The following DPP9 variants were observed in gnomAD, a reference collection of about 807,000 sequenced individuals.
DPP9 encodes dipeptidyl peptidase IV-related protein-2.
In DPP9, 50 loss-of-function variants were observed where a neutral mutation model predicts 110.7. The observed-to-expected ratio is 0.45, with a 90% CI of 0.36 to 0.57. The LOEUF is 0.57. DPP9 is among the 20% of genes least tolerant of loss of function. The pLI is 0.00. For synonymous variants in DPP9, 561 were observed against 514.4 expected, an observed-to-expected ratio of 1.09 and a Z score of -1.23; for missense variants, 1,022 against 1,217.9, an observed-to-expected ratio of 0.84 and a Z score of 2.39.
chr19:4,702,203 C>T (rs769072714), intron 8 of DPP9, 48 bp from the exon 9 acceptor site: 2 of 1,573,428 alleles, frequency 1.3e-6, no homozygotes, highest in Admixed American at 1.8e-5. Flanking sequence ...GAGGCAGAGT[C>T]CCTGCCATCA....
At chr19:4,681,667 C>T (rs1008220003) in intron 20 of DPP9, among the ~76,000 whole-genome samples, 1 of 151,966 alleles carries the variant, frequency 6.6e-6, no homozygotes, top group Non-Finnish European at 1.5e-5. Context: ...TGGGTTCAAG[C>T]GATTCTCCTG....
rs761779404 is a variant in DPP9 at position 4,694,580 on chromosome 19, G to A, written c.1516+81C>T. 4.6e-6 allele frequency: 7 copies of A among 1,510,022 alleles called. No homozygotes were observed. Among genetic ancestry groups the A allele is most frequent in the Non-Finnish European group, 6.3e-6 (7 of 1,118,618 alleles). The allele number at this position is 1,510,022 out of a possible 1,614,324, so 93.5% of individuals were successfully genotyped here. A position where few individuals can be genotyped will look rare whatever the true frequency, so the allele number is the denominator to read the frequency against. On this transcript the variant is annotated intron_variant, in intron 13 of 21. Coordinates refer to ENST00000262960, the MANE Select transcript of DPP9 (RefSeq NM_139159.5). This position sits in a 1 kb window ranked among gnomAD's most constrained non-coding sequence, Gnocchi z 4.0. ...GCAGGGTGTGCTGGCTGAGTGGGGG[G>A]GCCGACCAATGAACAAACAGCATAT...
intron 2 of DPP9, 178 bp downstream of exon 2, chr19:4,722,321 G>T: frequency 1.7e-6 from 1 of 586,314 alleles, no homozygotes; most frequent in East Asian, 2.9e-5. Context: ...GGGGACAGGG[G>T]TGGAAAGAAA....
At position 4,685,596 on chromosome 19, in the gene DPP9, TG is replaced by T. The variant is rs752942569; in HGVS notation, c.2031+29del. ...GGGAGTCCTCGGGTGGATGGTGGGG[TG>T]GGGGCCTGGGGAGCAGGTGTGCACT... On this transcript the variant is annotated intron_variant, in intron 17 of 21. Coordinates refer to ENST00000262960, the MANE Select transcript of DPP9 (RefSeq NM_139159.5). This position sits in a 1 kb window ranked among gnomAD's most constrained non-coding sequence, Gnocchi z 5.8. The T allele has an allele frequency of 6.5e-7, 1 of 1,531,290 alleles. No homozygotes were observed. The highest frequency in any genetic ancestry group is 1.2e-5 in the South Asian group (1 of 86,108). The allele number at this position is 1,531,290 out of a possible 1,614,324, so 94.9% of individuals were successfully genotyped here.
chr19:4,701,847 C>T (rs937977620), intron 9 of DPP9, among the ~76,000 whole-genome samples, 180 bp downstream of exon 9: 5 of 152,174 alleles, frequency 3.3e-5, no homozygotes, highest in Admixed American at 3.3e-4. Context: ...ATCCGGTGGC[C>T]ATGGTAAGCC....
intron 4 of DPP9, among the ~76,000 whole-genome samples, chr19:4,707,992 T>C (rs1280372710): frequency 1.3e-5 from 2 of 152,140 alleles, no homozygotes; most frequent in Non-Finnish European, 2.9e-5. Flanking sequence ...AGTGCTTAAT[T>C]AGTAATATCT....
rs2092484483 is a variant in DPP9, at chr19:4,704,688, C to T, written c.427-384G>A. ...GGGTCCCTAGTGCCATTCTTACAGACTCCCCACCCTCCTACCCTATTCACA... is the reference window on the plus strand; with the variant it reads ...GGGTCCCTAGTGCCATTCTTACAGATTCCCCACCCTCCTACCCTATTCACA... On this transcript the variant is annotated intron_variant, in intron 5 of 21. Coordinates refer to ENST00000262960, the MANE Select transcript of DPP9 (RefSeq NM_139159.5). The surrounding 1 kb of genome is among the most constrained non-coding windows in gnomAD (Gnocchi z 6.0). Among the ~76,000 whole-genome samples the T allele has an allele frequency of 6.6e-6, 1 of 152,212 alleles. No individual in the cohort carries two copies. Among genetic ancestry groups the T allele is most frequent in the Admixed American group, 6.5e-5 (1 of 15,290 alleles).
intron 2 of DPP9, 69 bp from the exon 3 acceptor site, chr19:4,720,010 C>A: frequency 8.0e-7 from 1 of 1,254,592 alleles, no homozygotes; most frequent in Non-Finnish European, 1.1e-6. Flanking sequence ...CGCTCCTGCC[C>A]CCTTCGCCCC....
At position 4,683,012 on chromosome 19, in the gene DPP9, C is replaced by G. The variant is rs749199307; in HGVS notation, c.2332-174G>C. 18 of 1,525,210 alleles carry G rather than the reference C, an allele frequency of 1.2e-5. No individual in the cohort carries two copies. In the East Asian group the frequency reaches 4.2e-4, roughly 36 times the overall value. 94.5% of individuals were successfully genotyped at this position (1,525,210 alleles called of 1,614,324 possible). A position where few individuals can be genotyped will look rare whatever the true frequency, so the allele number is the denominator to read the frequency against. On this transcript the variant is annotated intron_variant, in intron 19 of 21. Transcript: ENST00000262960. Reference sequence around the variant, plus strand: ...GACCGCGTGGCCCCCGTGGACGGTGCGTGGCATGGGGGTGGGCAGGGCGCC... The same window carrying G: ...GACCGCGTGGCCCCCGTGGACGGTGGGTGGCATGGGGGTGGGCAGGGCGCC...
Position 4,676,688 on chromosome 19 carries a change from C to T in DPP9, c.2587-32G>A. 2.6e-6 allele frequency: 4 copies of T among 1,541,322 alleles called. No individual in the cohort carries two copies. The highest frequency in any genetic ancestry group is 2.7e-6 in the Non-Finnish European group (3 of 1,131,494). ...GGAGACAGGAGGCAGGGCTGGGGGG[C>T]GTGGCCGGACCACCCCCGTGTCCTA... On this transcript the variant is annotated intron_variant, in intron 21 of 21. Coordinates refer to ENST00000262960, the MANE Select transcript of DPP9 (RefSeq NM_139159.5). The surrounding 1 kb of genome is among the most constrained non-coding windows in gnomAD (Gnocchi z 4.0).
At chr19:4,677,479 C>T (rs1476941086) in intron 21 of DPP9, among the ~76,000 whole-genome samples, 1 of 152,172 alleles carries the variant, frequency 6.6e-6, no homozygotes, top group Non-Finnish European at 1.5e-5. Context: ...GGCTCCTGGT[C>T]CCCACTGTTG....
intron 4 of DPP9, 98 bp downstream of exon 4, chr19:4,713,983 A>G: frequency 6.9e-7 from 1 of 1,453,276 alleles, no homozygotes; most frequent in Non-Finnish European, 9.1e-7. Context: ...ATCCGAGCAG[A>G]TCTTCCAACT....
At chr19:4,703,772 AG>A in intron 7 of DPP9, 113 bp downstream of exon 7, 1 of 1,123,912 alleles carries the variant, frequency 8.9e-7, no homozygotes, top group Non-Finnish European at 1.3e-6. Context: ...TATGCACGGG[AG>A]GGTGGCTTGT....
At chr19:4,716,687 C>A (rs1467592574) in intron 3 of DPP9, among the ~76,000 whole-genome samples, 1 of 151,936 alleles carries the variant, frequency 6.6e-6, no homozygotes, top group Non-Finnish European at 1.5e-5. Flanking sequence ...GCAATTGTCA[C>A]CTCATTTGGG....
At chr19:4,722,026 C>G (rs1019694540) in intron 2 of DPP9, among the ~76,000 whole-genome samples, 2 of 152,106 alleles carry the variant, frequency 1.3e-5, no homozygotes, top group African/African-American at 2.4e-5. Flanking sequence ...CTGGGGCCAC[C>G]AAGGGAATTG....
At position 4,704,612 on chromosome 19, in the gene DPP9, G is replaced by A. The variant is rs2092480166; in HGVS notation, c.427-308C>T. On this transcript the variant is annotated intron_variant, in intron 5 of 21. Coordinates refer to ENST00000262960, the MANE Select transcript of DPP9 (RefSeq NM_139159.5). This position sits in a 1 kb window ranked among gnomAD's most constrained non-coding sequence, Gnocchi z 6.0. ...CACAGACCCTCTCCATAGCAGATGG[G>A]GGCCCCTGGGAGGGGCTGTCCCTGC... 6.6e-6 allele frequency among the ~76,000 whole-genome samples: 1 copy of A among 152,128 alleles called. No homozygotes were observed. The highest frequency in any genetic ancestry group is 2.4e-5 in the African/African-American group (1 of 41,424).
intron 11 of DPP9, among the ~76,000 whole-genome samples, chr19:4,696,400 G>T (rs1484073234): frequency 2.0e-5 from 3 of 150,570 alleles, no homozygotes; most frequent in Non-Finnish European, 2.9e-5. Flanking sequence ...TGGGCGGGTC[G>T]CTTGAGCCCA....
Position 4,685,569 on chromosome 19 carries a change from TG to T in DPP9, c.2031+56del, listed in dbSNP as rs765610834. 2.0e-6 allele frequency: 3 copies of T among 1,480,884 alleles called. No homozygotes were observed. The African/African-American group carries it at 4.4e-5, about 21-fold the overall frequency. The allele number at this position is 1,480,884 out of a possible 1,614,324, so 91.7% of individuals were successfully genotyped here. A position where few individuals can be genotyped will look rare whatever the true frequency, so the allele number is the denominator to read the frequency against. ...TCTACAGCTGGCACTTGAGTGGGGA[TG>T]GGGAGTCCTCGGGTGGATGGTGGGG... On this transcript the variant is annotated intron_variant, in intron 17 of 21. Transcript: ENST00000262960. This position sits in a 1 kb window ranked among gnomAD's most constrained non-coding sequence, Gnocchi z 5.8.
Position 4,685,833 on chromosome 19 carries a change from T to C in DPP9, c.1886-62A>G, listed in dbSNP as rs2090622197. The C allele has an allele frequency of 1.3e-6, 2 of 1,581,186 alleles. No homozygotes were observed. Among genetic ancestry groups the C allele is most frequent in the African/African-American group, 1.3e-5 (1 of 74,560 alleles). ...AAGCCACATCCAGCTGACACCCTTG[T>C]TCTCCTGCCCACCCCAAGCCTTGGA... On this transcript the variant is annotated intron_variant, in intron 16 of 21. Coordinates refer to ENST00000262960, the MANE Select transcript of DPP9 (RefSeq NM_139159.5). This position sits in a 1 kb window ranked among gnomAD's most constrained non-coding sequence, Gnocchi z 5.8.
Sources: allele counts gnomAD v4.1 joint callset (sites outside exome capture counted in the v4.1 genomes callset), GRCh38; gene constraint gnomAD v4.1.1; non-coding constraint Gnocchi (gnomAD v3.1); transcripts MANE v1.5; gene names NCBI Gene and HGNC (gene_info 2026-07-23, HGNC 2026-07-21).